PGRMC2: variants seen among roughly 807,000 people sequenced by gnomAD.
The protein encoded by PGRMC2 is progesterone receptor membrane component 2, also known as membrane-associated progesterone receptor component 2.
PGRMC2 carries 9 observed loss-of-function variants against 19.3 expected under a neutral mutation model. The observed-to-expected ratio is 0.47, with a 90% CI of 0.28 to 0.81. The LOEUF (loss-of-function observed/expected upper bound fraction) is 0.81, where lower values mean the gene tolerates loss of function less well. PGRMC2 is among the 40% of genes least tolerant of loss of function. PGRMC2 has a pLI of 0.11. For missense variants in PGRMC2, 289 were observed against 297.3 expected (o/e 0.97, Z 0.21); for synonymous variants, 157 against 124.6 (o/e 1.26, Z -1.73).
intron 1 of PGRMC2, among the ~76,000 whole-genome samples, chr4:128,283,394 A>T (rs985518448): frequency 1.3e-5 from 2 of 152,208 alleles, no homozygotes; most frequent in Non-Finnish European, 2.9e-5. Context: ...CTTTAGAATC[A>T]GTGTTGTTTT....
At chr4:128,274,518 A>AG (rs1760778443) in intron 1 of PGRMC2, among the ~76,000 whole-genome samples, 2 of 118,228 alleles carry the variant, frequency 1.7e-5, no homozygotes, top group African/African-American at 7.1e-5. Context: ...CTCCAAAGAA[A>AG]AAAAAAAAAA....
rs1398816330 is a variant in PGRMC2 at position 128,287,668 on chromosome 4, C to T, written c.123G>A (p.Ala41=). The change falls in exon 1 of 3, where the codon GCG becomes GCA. Residue 41 remains alanine, a synonymous_variant. Transcript: ENST00000296425. ...CCGTCAGAAGCGCCAACGCCGCCGCCGCCCAGCCTCCCCCTTCCGCTGCCG... is the reference window on the plus strand; with the variant it reads ...CCGTCAGAAGCGCCAACGCCGCCGCTGCCCAGCCTCCCCCTTCCGCTGCCG... ...AGAAAEGGGW[A]AAALALLTGG... 6.5e-7 allele frequency: 1 copy of T among 1,535,310 alleles called. No individual in the cohort carries two copies. Among genetic ancestry groups the T allele is most frequent in the East Asian group, 2.4e-5 (1 of 40,820 alleles).
At position 128,284,088 on chromosome 4, in the gene PGRMC2, C is replaced by T. The variant is rs529794582; in HGVS notation, c.418+3285G>A. On this transcript the variant is annotated intron_variant, in intron 1 of 2. Transcript: ENST00000296425. The stretch of plus-strand genomic sequence containing the variant: ...AGCCTCCCAAAGTGCTGGGATTACA[C>T]GCGTGAGCCACCGTGCCTGGCCGAA... Among the ~76,000 whole-genome samples the T allele has an allele frequency of 2.7e-3, 404 of 151,204 alleles. 5 individuals are homozygous for T. Among genetic ancestry groups the T allele is most frequent in the Non-Finnish European group, 7.4e-4 (50 of 67,806 alleles).
At chr4:128,284,101 G>A (rs77764910) in intron 1 of PGRMC2, among the ~76,000 whole-genome samples, 2,507 of 152,110 alleles carry the variant, frequency 0.016, 70 homozygotes, top group African/African-American at 0.057. Context: ...GTGAGCCACC[G>A]TGCCTGGCCG....
Position 128,282,609 on chromosome 4 carries a change from T to A in PGRMC2, c.418+4764A>T, listed in dbSNP as rs373983236. Among the ~76,000 whole-genome samples, 9 of 152,210 alleles carry A rather than the reference T, an allele frequency of 5.9e-5. No individual in the cohort carries two copies. In the East Asian group the frequency reaches 1.7e-3, roughly 29 times the overall value. ...AAAAATCATCAGAAAACCTAGCTAA[T>A]CCTTTTATCTTACTGGTAGGTAATA... is the stretch of plus-strand genomic sequence containing the variant. On this transcript the variant is annotated intron_variant, in intron 1 of 2. Coordinates refer to ENST00000296425, the MANE Select transcript of PGRMC2 (RefSeq NM_006320.6).
At chr4:128,277,634 G>A (rs1176970024) in intron 1 of PGRMC2, among the ~76,000 whole-genome samples, 1 of 152,106 alleles carries the variant, frequency 6.6e-6, no homozygotes, top group African/African-American at 2.4e-5. Context: ...TATAAATTGA[G>A]TAACTAATAA....
In PGRMC2 at chr4:128,286,294, C is replaced by G. The variant is rs552533306; in HGVS notation, c.418+1079G>C. 3.3e-5 allele frequency among the ~76,000 whole-genome samples: 5 copies of G among 151,992 alleles called. No individual in the cohort carries two copies. The East Asian group carries it at 9.7e-4, about 29-fold the overall frequency. ...AGCTTAGTATTAATCAGTGCACAACCAGGATGCACAATGTTGCTCAACTGT... is the reference window on the plus strand; with the variant it reads ...AGCTTAGTATTAATCAGTGCACAACGAGGATGCACAATGTTGCTCAACTGT... On this transcript the variant is annotated intron_variant, in intron 1 of 2. Transcript: ENST00000296425.
rs1171108222 is a variant in PGRMC2 at position 128,287,527 on chromosome 4, C to T, written c.264G>A (p.Glu88=). 12 of 1,587,108 alleles carry T rather than the reference C, an allele frequency of 7.6e-6. No homozygotes were observed. Among genetic ancestry groups the T allele is most frequent in the Non-Finnish European group, 1.0e-5 (12 of 1,167,860 alleles). The part of the protein sequence containing the change: ...RGLGAGAGAG[E]ESPATSLPRM... The stretch of plus-strand genomic sequence containing the variant: ...GAGGCAGAGAGGTGGCGGGGCTCTC[C>T]TCGCCCGCCCCGGCCCCGGCCCCCA... Residue 88 remains glutamate, a synonymous_variant, in exon 1 of 3, where the codon GAG becomes GAA. Coordinates refer to ENST00000296425, the MANE Select transcript of PGRMC2 (RefSeq NM_006320.6).
At chr4:128,284,012 T>C (rs940444248) in intron 1 of PGRMC2, among the ~76,000 whole-genome samples, 3 of 150,616 alleles carry the variant, frequency 2.0e-5, no homozygotes, top group East Asian at 2.0e-4. Context: ...GGTTTCACCA[T>C]GTTGGACAGT....
intron 1 of PGRMC2, chr4:128,286,594 A>T (rs1760986518): frequency 2.5e-6 from 1 of 398,408 alleles, no homozygotes; most frequent in Non-Finnish European, 4.4e-6. Context: ...GAGAAAAAAA[A>T]AGAAAAAAGA....
chr4:128,280,891 C>A (rs969364355), intron 1 of PGRMC2, among the ~76,000 whole-genome samples: 4 of 152,278 alleles, frequency 2.6e-5, no homozygotes, highest in Non-Finnish European at 5.9e-5. Context: ...TGAGCCACTG[C>A]GCCTGGCCCA....
intron 1 of PGRMC2, among the ~76,000 whole-genome samples, chr4:128,276,101 G>T (rs560145989): frequency 6.6e-6 from 1 of 152,210 alleles, no homozygotes; most frequent in Non-Finnish European, 1.5e-5. Flanking sequence ...GGAAGGATTT[G>T]ATGTCTAATA....
chr4:128,286,328 C>T (rs1760983407), intron 1 of PGRMC2, among the ~76,000 whole-genome samples: 1 of 151,914 alleles, frequency 6.6e-6, no homozygotes, highest in Non-Finnish European at 1.5e-5. Flanking sequence ...GTATGATATA[C>T]CAACAGGTTC....
intron 1 of PGRMC2, among the ~76,000 whole-genome samples, chr4:128,286,193 A>G (rs894619966): frequency 2.0e-5 from 3 of 151,824 alleles, no homozygotes; most frequent in African/African-American, 7.3e-5. Context: ...GCTTGGAGGT[A>G]CTCTCTCCAA....
At chr4:128,280,787 C>G (rs1760897426) in intron 1 of PGRMC2, among the ~76,000 whole-genome samples, 1 of 152,024 alleles carries the variant, frequency 6.6e-6, no homozygotes, top group Admixed American at 6.6e-5. Flanking sequence ...TTGTAAGAGA[C>G]AGAGTCTCGC....
chr4:128,273,155 C>T (rs1035332536), intron 1 of PGRMC2: 5 of 152,174 alleles, frequency 3.3e-5, no homozygotes, highest in African/African-American at 1.2e-4. Context: ...AATATATATA[C>T]AATGATCTAT....
At chr4:128,273,405 T>C (rs1318888130) in intron 1 of PGRMC2, among the ~76,000 whole-genome samples, 8 of 152,166 alleles carry the variant, frequency 5.3e-5, no homozygotes, top group African/African-American at 1.9e-4. Flanking sequence ...CAATTGAGGA[T>C]TTGTATCCTC....
chr4:128,287,800 C>T lies in PGRMC2; in HGVS notation c.-10G>A. The T allele has an allele frequency of 5.3e-6, 8 of 1,511,390 alleles. No individual in the cohort carries two copies. Among genetic ancestry groups the T allele is most frequent in the Non-Finnish European group, 7.2e-6 (8 of 1,110,854 alleles). The allele number at this position is 1,511,390 out of a possible 1,614,324, so 93.6% of individuals were successfully genotyped here. On this transcript the variant is annotated 5_prime_UTR_variant, in exon 1 of 3. Transcript: ENST00000296425. ...CATCACCAGCCGCCATCACTGCCCG[C>T]CAGCGCCTTCCTCCTCCTCCCCGCC...
In PGRMC2 at chr4:128,287,653, C is replaced by G; in HGVS notation, c.138G>C (p.Ala46=). The part of the protein sequence containing the change: ...EGGGWAAAAL[A]LLTGGGEMLL... ...GCATTTCCCCGCCCCCCGTCAGAAG[C>G]GCCAACGCCGCCGCCGCCCAGCCTC... Residue 46 remains alanine, a synonymous_variant, in exon 1 of 3, where the codon GCG becomes GCC. Transcript: ENST00000296425. The G allele has an allele frequency of 6.5e-7, 1 of 1,536,180 alleles. No individual in the cohort carries two copies. The highest frequency in any genetic ancestry group is 1.2e-5 in the South Asian group (1 of 83,926).
Sources: gnomAD v4.1 joint callset for allele counts (sites outside exome capture counted in the v4.1 genomes callset) on GRCh38, gnomAD v4.1.1 for gene constraint, MANE v1.5 for transcripts, NCBI Gene and HGNC (gene_info 2026-07-23, HGNC 2026-07-21) for gene names.